Variants in SMYD3 observed in about 807,000 individuals in gnomAD.
SMYD3 encodes histone-lysine N-methyltransferase SMYD3.
In SMYD3, 36 loss-of-function variants were observed where a neutral mutation model predicts 57.7. That is an observed-to-expected ratio of 0.62 (90% CI 0.48 to 0.82). The LOEUF is 0.82. SMYD3 is among the 40% of genes least tolerant of loss of function. SMYD3 has a pLI of 0.00. For missense variants in SMYD3, 515 were observed against 538.8 expected (o/e 0.96, Z 0.44); for synonymous variants, 211 against 195.0 (o/e 1.08, Z -0.68).
chr1:245,752,134 C>A (rs2045411772), intron 11 of SMYD3, among the ~76,000 whole-genome samples: 2 of 152,236 alleles, frequency 1.3e-5, no homozygotes, highest in South Asian at 4.1e-4. Flanking sequence ...GGGAAATTTT[C>A]TTACTTGAAA....
intron 5 of SMYD3, among the ~76,000 whole-genome samples, chr1:246,265,241 T>G (rs1046530840): frequency 2.0e-5 from 3 of 152,136 alleles, no homozygotes; most frequent in African/African-American, 7.2e-5. Context: ...GCTCAAGTGA[T>G]CCCACCTCAG....
At chr1:246,273,165 G>GA (rs921037076) in intron 5 of SMYD3, among the ~76,000 whole-genome samples, 3 of 52,832 alleles carry the variant, frequency 5.7e-5, no homozygotes, top group Non-Finnish European at 1.0e-4. Context: ...TTTTTTTGGG[G>GA]GGGGGACAGA....
chr1:246,253,785 T>C (rs141716544), intron 5 of SMYD3, among the ~76,000 whole-genome samples: 13 of 152,354 alleles, frequency 8.5e-5, no homozygotes, highest in Non-Finnish European at 1.5e-5. Flanking sequence ...AGAAACGCTA[T>C]TGATTTCTGC....
intron 5 of SMYD3, among the ~76,000 whole-genome samples, chr1:246,051,689 T>A (rs890498327): frequency 7.2e-5 from 11 of 152,208 alleles, no homozygotes; most frequent in African/African-American, 2.7e-4. Flanking sequence ...CATTTCTTTT[T>A]GACCTAGATT....
chr1:245,954,703 G>T (rs1210371304), intron 5 of SMYD3, among the ~76,000 whole-genome samples: 1 of 152,096 alleles, frequency 6.6e-6, no homozygotes, highest in South Asian at 2.1e-4. Flanking sequence ...TAAAACAGTG[G>T]TAGTTTATTC....
intron 5 of SMYD3, among the ~76,000 whole-genome samples, chr1:246,263,723 T>C (rs1320000810): frequency 1.3e-5 from 2 of 152,226 alleles, no homozygotes; most frequent in African/African-American, 2.4e-5. Flanking sequence ...ATTATGCCTT[T>C]TCATTTTCAA....
chr1:246,278,572 C>T (rs1019730204), intron 5 of SMYD3, among the ~76,000 whole-genome samples: 5 of 152,100 alleles, frequency 3.3e-5, no homozygotes, highest in African/African-American at 9.7e-5. Flanking sequence ...AGCCAAGAGC[C>T]GGCAAGAAGC....
intron 5 of SMYD3, among the ~76,000 whole-genome samples, chr1:246,002,296 T>C (rs1196673541): frequency 9.0e-6 from 1 of 111,728 alleles, no homozygotes; most frequent in Non-Finnish European, 2.0e-5. Context: ...GCCATTCTCC[T>C]GCCTCAGCCT....
At chr1:245,771,406 T>A (rs1409577281) in intron 10 of SMYD3, among the ~76,000 whole-genome samples, 1 of 151,054 alleles carries the variant, frequency 6.6e-6, no homozygotes, top group Non-Finnish European at 1.5e-5. Flanking sequence ...TGGATTTTAC[T>A]TTTTCACTTT....
At chr1:246,301,644 T>C (rs2064893391) in intron 5 of SMYD3, among the ~76,000 whole-genome samples, 1 of 152,158 alleles carries the variant, frequency 6.6e-6, no homozygotes, top group Non-Finnish European at 1.5e-5. Flanking sequence ...ACAATAACAT[T>C]TCTGACATCT....
At chr1:245,871,110 T>C (rs181613153) in intron 8 of SMYD3, among the ~76,000 whole-genome samples, 3 of 152,330 alleles carry the variant, frequency 2.0e-5, no homozygotes, top group Admixed American at 2.0e-4. Flanking sequence ...AATTCAATAA[T>C]TCATGTCTTA....
chr1:245,907,246 A>G (rs2054631157), intron 8 of SMYD3, among the ~76,000 whole-genome samples: 1 of 152,228 alleles, frequency 6.6e-6, no homozygotes, highest in African/African-American at 2.4e-5. Context: ...CAAAGGATAA[A>G]TGCTTGAGGG....
chr1:246,491,971 C>T (rs1047004031), intron 1 of SMYD3, among the ~76,000 whole-genome samples: 1 of 152,100 alleles, frequency 6.6e-6, no homozygotes, highest in Admixed American at 6.5e-5. Context: ...ACGGCAGGAA[C>T]TAAAGCTAGA....
intron 5 of SMYD3, among the ~76,000 whole-genome samples, chr1:246,270,185 A>G (rs1424022997): frequency 6.6e-6 from 1 of 152,190 alleles, no homozygotes; most frequent in Non-Finnish European, 1.5e-5. Flanking sequence ...TATATATAAC[A>G]TATTATATGA....
At chr1:245,920,080 A>G (rs147703360) in intron 7 of SMYD3, among the ~76,000 whole-genome samples, 4,289 of 152,080 alleles carry the variant, frequency 0.028, 132 homozygotes, top group African/African-American at 0.069. Flanking sequence ...TTGGGAGGCC[A>G]AGGCGGTAGG....
intron 10 of SMYD3, among the ~76,000 whole-genome samples, chr1:245,842,901 G>C (rs908323794): frequency 7.2e-5 from 11 of 152,066 alleles, no homozygotes; most frequent in Admixed American, 5.9e-4. Context: ...TGTAAGACAA[G>C]GTCTTCCTAT....
At position 246,218,389 on chromosome 1, in the gene SMYD3, C is replaced by T. The variant is rs187668754; in HGVS notation, c.531+108812G>A. On this transcript the variant is annotated intron_variant, in intron 5 of 11. Transcript: ENST00000490107. ...CTGTAATCCCAGCACTTTGGGAGGC[C>T]GAGGCAGGCGGATCACGAGGTCAGG... Among the ~76,000 whole-genome samples, 225 of 152,044 alleles carry T rather than the reference C, an allele frequency of 1.5e-3. 2 individuals carry two copies. Among genetic ancestry groups the T allele is most frequent in the African/African-American group, 4.9e-3 (205 of 41,448 alleles).
chr1:246,084,055 A>C (rs186597529), intron 5 of SMYD3, among the ~76,000 whole-genome samples: 292 of 152,244 alleles, frequency 1.9e-3, no homozygotes, highest in South Asian at 6.2e-3. Flanking sequence ...CTTATTATCT[A>C]TCAGCATAAG....
At chr1:246,130,163 AT>A (rs2061566256) in intron 5 of SMYD3, among the ~76,000 whole-genome samples, 1 of 152,202 alleles carries the variant, frequency 6.6e-6, no homozygotes, top group African/African-American at 2.4e-5. Flanking sequence ...CATAGAATTC[AT>A]CCCATCATAA....
Sources: gnomAD v4.1 joint callset for allele counts (sites outside exome capture counted in the v4.1 genomes callset) on GRCh38, gnomAD v4.1.1 for gene constraint, MANE v1.5 for transcripts, NCBI Gene and HGNC (gene_info 2026-07-23, HGNC 2026-07-21) for gene names.